Variants in KANSL2 observed in about 807,000 individuals in gnomAD.
The protein encoded by KANSL2 is NSL complex protein NSL2.
KANSL2 carries 34 observed loss-of-function variants against 55.6 expected under a neutral mutation model. The observed-to-expected ratio is 0.61, with a 90% CI of 0.46 to 0.81. The LOEUF (loss-of-function observed/expected upper bound fraction) is 0.81, where lower values mean the gene tolerates loss of function less well. Among genes scored for constraint, KANSL2 ranks in the 40% least tolerant of loss-of-function variants. The probability of loss-of-function intolerance (pLI) is 0.00; values close to 1 mark genes in which losing one functional copy is unlikely to be tolerated. For missense variants in KANSL2, 502 were observed against 609.9 expected (o/e 0.82, Z 1.86); for synonymous variants, 209 against 214.3 (o/e 0.98, Z 0.22).
chr12:48,672,793 C>G (rs774681691), intron 4 of KANSL2, among the ~76,000 whole-genome samples: 1 of 147,448 alleles, frequency 6.8e-6, no homozygotes, highest in Non-Finnish European at 1.5e-5. Flanking sequence ...CAGTCTTGCT[C>G]TGTCACCCAG....
chr12:48,667,122 T>C (rs908550042), intron 7 of KANSL2, among the ~76,000 whole-genome samples: 1 of 151,904 alleles, frequency 6.6e-6, no homozygotes. Context: ...AGGTGGAGGT[T>C]GCAGTGAGCC....
At position 48,660,249 on chromosome 12, in the gene KANSL2, A is replaced by G. The variant is rs1939463133; in HGVS notation, c.1227+117T>C. 12 of 940,142 alleles carry G rather than the reference A, an allele frequency of 1.3e-5. No individual in the cohort carries two copies. In the South Asian group the frequency reaches 1.4e-4, roughly 11 times the overall value. 58.2% of individuals were successfully genotyped at this position (940,142 alleles called of 1,614,324 possible). On this transcript the variant is annotated intron_variant, in intron 8 of 9. Coordinates refer to ENST00000420613, the MANE Select transcript of KANSL2 (RefSeq NM_017822.4). ...AACATATAAATACAACTATACGTAT[A>G]TATCACTTCAAAAACTTTGTCGATT...
intron 4 of KANSL2, among the ~76,000 whole-genome samples, chr12:48,673,483 C>T (rs1332923236): frequency 6.6e-6 from 1 of 151,702 alleles, no homozygotes; most frequent in African/African-American, 2.4e-5. Flanking sequence ...TTGCTTGAAC[C>T]CGGGAGGCAG....
intron 7 of KANSL2, among the ~76,000 whole-genome samples, chr12:48,662,324 C>CT (rs1190787560): frequency 7.9e-5 from 12 of 152,312 alleles, no homozygotes; most frequent in African/African-American, 2.6e-4. Context: ...AGGCTGGTCT[C>CT]TAACTCCTGA....
In KANSL2 at chr12:48,654,189, T is replaced by G. The variant is rs1939332925; in HGVS notation, c.1348-14A>C. ...CTGCATCTGGCCCTGTTAAAAGAAA[T>G]AAAGGCACTTCAGTTAGTAATTCAT... On this transcript the variant is annotated splice_polypyrimidine_tract_variant and intron_variant, in intron 9 of 9. Transcript: ENST00000420613. 2.5e-6 allele frequency: 4 copies of G among 1,588,658 alleles called. No homozygotes were observed. Among genetic ancestry groups the G allele is most frequent in the African/African-American group, 1.4e-5 (1 of 73,540 alleles).
intron 6 of KANSL2, 40 bp from the exon 7 acceptor site, chr12:48,667,829 AACAC>A: frequency 7.4e-7 from 1 of 1,360,282 alleles, no homozygotes; most frequent in South Asian, 1.2e-5. Flanking sequence ...CCCACAAAAG[AACAC>A]ACAAACAATT....
intron 1 of KANSL2, 74 bp from the exon 2 acceptor site, chr12:48,681,715 C>G (rs1356731601): frequency 6.3e-7 from 1 of 1,594,384 alleles, no homozygotes; most frequent in Non-Finnish European, 8.6e-7. Flanking sequence ...ATCGCGCGGA[C>G]AGTTTCCAAA....
intron 2 of KANSL2, 53 bp from the exon 3 acceptor site, chr12:48,679,886 T>C: frequency 7.2e-7 from 1 of 1,386,418 alleles, no homozygotes; most frequent in Non-Finnish European, 9.9e-7. Context: ...AAGCGTTCAA[T>C]AATGTTCACA....
chr12:48,671,533 T>C (rs1939713087), intron 5 of KANSL2, among the ~76,000 whole-genome samples: 1 of 152,156 alleles, frequency 6.6e-6, no homozygotes, highest in South Asian at 2.1e-4. Context: ...AACTGTACCT[T>C]TTCTCTGTTT....
At chr12:48,664,223 C>T (rs1297449129) in intron 7 of KANSL2, among the ~76,000 whole-genome samples, 1 of 151,022 alleles carries the variant, frequency 6.6e-6, no homozygotes. Flanking sequence ...CCCTATTAGC[C>T]TTTTCTATCT....
intron 5 of KANSL2, among the ~76,000 whole-genome samples, chr12:48,670,445 T>C (rs1480924988): frequency 6.6e-6 from 1 of 152,178 alleles, no homozygotes; most frequent in East Asian, 1.9e-4. Context: ...GACCTTCCAC[T>C]GGGACAAGAT....
chr12:48,656,094 A>G (rs995121400), intron 8 of KANSL2, among the ~76,000 whole-genome samples: 1 of 152,208 alleles, frequency 6.6e-6, no homozygotes, highest in African/African-American at 2.4e-5. Flanking sequence ...TGGGTAATAC[A>G]AGATTGCCTG....
chr12:48,669,564 C>T (rs1200624116), intron 5 of KANSL2, among the ~76,000 whole-genome samples: 2 of 151,674 alleles, frequency 1.3e-5, no homozygotes, highest in African/African-American at 4.8e-5. Context: ...GTTGTCCAGG[C>T]TGGAGTGCAG....
chr12:48,666,397 A>T (rs1394065502), intron 7 of KANSL2, among the ~76,000 whole-genome samples: 1 of 151,528 alleles, frequency 6.6e-6, no homozygotes, highest in African/African-American at 2.4e-5. Context: ...CAAAAAATAA[A>T]AAAAAAAAAA....
intron 7 of KANSL2, among the ~76,000 whole-genome samples, chr12:48,662,899 TAAAA>T (rs1463872156): frequency 6.6e-6 from 1 of 151,796 alleles, no homozygotes; most frequent in Non-Finnish European, 1.5e-5. Context: ...AAACAAAAAA[TAAAA>T]GAACAGTGAA....
rs1051002821 is a variant in KANSL2 at position 48,653,779 on chromosome 12, A to C, written c.*265T>G. The C allele has an allele frequency of 2.5e-5, 8 of 322,716 alleles. No individual in the cohort carries two copies. The highest frequency in any genetic ancestry group is 1.5e-4 in the Admixed American group (3 of 20,626). 20.0% of individuals were successfully genotyped at this position (322,716 alleles called of 1,614,324 possible). On this transcript the variant is annotated 3_prime_UTR_variant, in exon 10 of 10. Coordinates refer to ENST00000420613, the MANE Select transcript of KANSL2 (RefSeq NM_017822.4). ...CCATGACTTGGGAAATCCCATTACAAAGATGTCACTTTCCTTTTAGGTATA... is the reference window on the plus strand; with the variant it reads ...CCATGACTTGGGAAATCCCATTACACAGATGTCACTTTCCTTTTAGGTATA...
Position 48,669,163 on chromosome 12 carries a change from T to C in KANSL2, c.819A>G (p.Leu273=), listed in dbSNP as rs1939659815. The change falls in exon 6 of 10, where the codon TTA becomes TTG. Residue 273 remains leucine (L), a synonymous_variant. Coordinates refer to ENST00000420613, the MANE Select transcript of KANSL2 (RefSeq NM_017822.4). ...RYRQRYGVEA[L]LHRQLKERRM... Reference sequence around the variant, plus strand: ...TCCGTTCCTTCAACTGCCTATGCAGTAAGGCTTCCACTCCATAGCGCTGGC... The same window carrying C: ...TCCGTTCCTTCAACTGCCTATGCAGCAAGGCTTCCACTCCATAGCGCTGGC... 1 of 1,552,046 alleles carries C rather than the reference T, an allele frequency of 6.4e-7. No individual in the cohort carries two copies. The highest frequency in any genetic ancestry group is 8.7e-7 in the Non-Finnish European group (1 of 1,147,114).
At chr12:48,673,162 T>A (rs1939758666) in intron 4 of KANSL2, among the ~76,000 whole-genome samples, 1 of 152,192 alleles carries the variant, frequency 6.6e-6, no homozygotes, top group Non-Finnish European at 1.5e-5. Context: ...CTAATTTTCT[T>A]GACAATATTC....
chr12:48,677,784 C>CAAAA (rs56147873), intron 4 of KANSL2, among the ~76,000 whole-genome samples: 28 of 47,674 alleles, frequency 5.9e-4, no homozygotes, highest in African/African-American at 1.7e-3. Flanking sequence ...GACTCCATCT[C>CAAAA]AAAAAAAAAA....
Sources: allele counts gnomAD v4.1 joint callset (sites outside exome capture counted in the v4.1 genomes callset), GRCh38; gene constraint gnomAD v4.1.1; transcripts MANE v1.5; gene names NCBI Gene and HGNC (gene_info 2026-07-23, HGNC 2026-07-21).